The following NSD1 variants were observed in gnomAD, a reference collection of about 807,000 sequenced individuals.
The protein encoded by NSD1 is histone-lysine N-methyltransferase, H3 lysine-36 specific.
Under a neutral mutation model 242.7 loss-of-function variants are expected in NSD1, and 26 were observed. The ratio of observed to expected loss-of-function variants is 0.11; its 90% CI spans 0.08 to 0.15. The LOEUF (loss-of-function observed/expected upper bound fraction) is 0.15. Ranked by LOEUF, NSD1 falls within the 10% of genes least tolerant of loss-of-function variation. The pLI, the probability that NSD1 is intolerant of heterozygous loss-of-function variation, is 1.00. For synonymous variants in NSD1, 1,106 were observed against 1,178.1 expected, an observed-to-expected ratio of 0.94 and a Z score of 1.25; for missense variants, 2,495 against 3,272.8, an observed-to-expected ratio of 0.76 and a Z score of 5.80.
intron 17 of NSD1, among the ~76,000 whole-genome samples, chr5:177,275,401 G>C (rs1047553895): frequency 1.1e-4 from 16 of 142,206 alleles, no homozygotes; most frequent in Admixed American, 1.1e-3. Context: ...GTATTTCATC[G>C]TGCTTATATG....
Position 177,273,525 on chromosome 5 carries a change from G to A in NSD1, c.5510-147G>A, listed in dbSNP as rs59992310. The A allele has an allele frequency of 0.013, 8,457 of 649,936 alleles. 563 individuals carry two copies. The African/African-American group carries it at 0.14, about 11-fold the overall frequency. 40.3% of individuals were successfully genotyped at this position (649,936 alleles called of 1,614,324 possible). ...TTACCTGTTTGAAAATAGCTGTTATGTGTTTTCTTTTTCATATAGCATTGG... is the reference window on the plus strand; with the variant it reads ...TTACCTGTTTGAAAATAGCTGTTATATGTTTTCTTTTTCATATAGCATTGG... On this transcript the variant is annotated intron_variant, in intron 16 of 22. Transcript: ENST00000439151.
At chr5:177,212,335 G>A (rs969760815) in intron 5 of NSD1, 140 bp downstream of exon 5, 10 of 838,160 alleles carry the variant, frequency 1.2e-5, no homozygotes, top group Admixed American at 2.3e-5. Flanking sequence ...TGAAGAAGGA[G>A]TTTTATGTAG....
In NSD1 at chr5:177,297,349, T is replaced by C. The variant is rs1247558319; in HGVS notation, c.*1890T>C. ...AAAACGTAAAGCATCTTATTTTCTT[T>C]TAAAAGAATTTTAAACCATGAAAAA... is the stretch of plus-strand genomic sequence containing the variant. On this transcript the variant is annotated 3_prime_UTR_variant, in exon 23 of 23. Coordinates refer to ENST00000439151, the MANE Select transcript of NSD1 (RefSeq NM_022455.5). 4.3e-6 allele frequency: 1 copy of C among 230,676 alleles called. No individual in the cohort carries two copies. Among genetic ancestry groups the C allele is most frequent in the Non-Finnish European group, 8.6e-6 (1 of 116,536 alleles). 14.3% of individuals were successfully genotyped at this position (230,676 alleles called of 1,614,324 possible). A position where few individuals can be genotyped will look rare whatever the true frequency, so the allele number is the denominator to read the frequency against.
chr5:177,209,570 T>A, intron 4 of NSD1, 66 bp from the exon 5 acceptor site: 1 of 1,192,652 alleles, frequency 8.4e-7, no homozygotes, highest in Non-Finnish European at 1.2e-6. Context: ...GCTTCTGATT[T>A]CATCTCCCTT....
Position 177,210,766 on chromosome 5 carries a change from T to G in NSD1, c.2367T>G (p.Ser789Arg), listed in dbSNP as rs1301166891. Residue 789 changes from serine to arginine, a missense_variant, in exon 5 of 23, where the codon AGT becomes AGG. Coordinates refer to ENST00000439151, the MANE Select transcript of NSD1 (RefSeq NM_022455.5). ...AAAGCAAACAGCCCAAGTTCCGAAG[T>G]ATAAAGTGCAAACACAAAGAAAATC... Reference protein sequence around the residue: ...HSKSKQPKFRSIKCKHKENPV... With the variant: ...HSKSKQPKFRRIKCKHKENPV... 1.9e-6 allele frequency: 3 copies of G among 1,614,186 alleles called. No individual in the cohort carries two copies. Among genetic ancestry groups the G allele is most frequent in the Non-Finnish European group, 2.5e-6 (3 of 1,180,024 alleles).
At chr5:177,291,883 G>A in intron 21 of NSD1, 71 bp from the exon 22 acceptor site, 1 of 1,362,330 alleles carries the variant, frequency 7.3e-7, no homozygotes, top group African/African-American at 1.4e-5. Flanking sequence ...GCTCAGAGAG[G>A]GTAGTTAACC....
chr5:177,292,279 G>A, intron 22 of NSD1, 121 bp downstream of exon 22: 3 of 944,212 alleles, frequency 3.2e-6, no homozygotes, highest in East Asian at 2.6e-5. Flanking sequence ...ATTTTGAGGG[G>A]TATGGTCTAT....
At chr5:177,185,920 TTATA>T (rs370464580) in intron 2 of NSD1, among the ~76,000 whole-genome samples, 1 of 86,746 alleles carries the variant, frequency 1.2e-5, no homozygotes, top group African/African-American at 4.9e-5. Context: ...TTATATATAT[TTATA>T]TATATAAATA....
intron 2 of NSD1, among the ~76,000 whole-genome samples, chr5:177,161,498 T>C (rs1212733036): frequency 1.3e-5 from 2 of 152,030 alleles, no homozygotes; most frequent in African/African-American, 4.8e-5. Context: ...AAAAAATTTT[T>C]TTCTAAATAG....
In NSD1 at chr5:177,260,155, T is replaced by C. The variant is rs772039957; in HGVS notation, c.5133T>C (p.Phe1711=). The part of the protein sequence containing the change: ...NHEHVNVSWC[F]VCSEGGSLLC... ...AGCATGTTAATGTTAGCTGGTGCTTTGTGTGCTCAGAAGGTAAGAAATCAT... is the reference window on the plus strand; with the variant it reads ...AGCATGTTAATGTTAGCTGGTGCTTCGTGTGCTCAGAAGGTAAGAAATCAT... Residue 1711 remains phenylalanine (F), a synonymous_variant, in exon 14 of 23, where the codon TTT becomes TTC. Transcript: ENST00000439151. 1.2e-6 allele frequency: 2 copies of C among 1,614,072 alleles called. No homozygotes were observed. The highest frequency in any genetic ancestry group is 1.7e-6 in the Non-Finnish European group (2 of 1,179,996).
chr5:177,185,893 TTA>T (rs1282302482), intron 2 of NSD1, among the ~76,000 whole-genome samples: 1 of 86,406 alleles, frequency 1.2e-5, no homozygotes, highest in African/African-American at 5.3e-5. Context: ...TATAATATAT[TTA>T]TATATTTTAT....
At chr5:177,209,561 C>G in intron 4 of NSD1, 75 bp from the exon 5 acceptor site, 5 of 983,184 alleles carry the variant, frequency 5.1e-6, no homozygotes, top group African/African-American at 1.7e-5. Context: ...AAAAAAAAAG[C>G]TTCTGATTTC....
chr5:177,175,689 T>TTATA (rs1407872687), intron 2 of NSD1, among the ~76,000 whole-genome samples: 1 of 152,114 alleles, frequency 6.6e-6, no homozygotes, highest in African/African-American at 2.4e-5. Flanking sequence ...GCAAATAATA[T>TTATA]TATAGCCTTG....
intron 17 of NSD1, 71 bp from the exon 18 acceptor site, chr5:177,280,494 T>A: frequency 6.3e-7 from 1 of 1,587,320 alleles, no homozygotes; most frequent in Non-Finnish European, 8.7e-7. Context: ...AAAAAAAGTT[T>A]GCCTTTTTCA....
chr5:177,171,791 C>G (rs1759735860), intron 2 of NSD1, among the ~76,000 whole-genome samples: 1 of 152,188 alleles, frequency 6.6e-6, no homozygotes, highest in Admixed American at 6.5e-5. Context: ...ATCAGGACTT[C>G]TTTTTCATGG....
At chr5:177,227,814 G>A (rs1764746942) in intron 5 of NSD1, among the ~76,000 whole-genome samples, 1 of 151,946 alleles carries the variant, frequency 6.6e-6, no homozygotes, top group African/African-American at 2.4e-5. Context: ...CTAGCACAGT[G>A]GCTCACACCT....
In NSD1 at chr5:177,285,415, T is replaced by C. The variant is rs189548675; in HGVS notation, c.6151+1487T>C. Among the ~76,000 whole-genome samples the C allele has an allele frequency of 5.8e-3, 873 of 151,660 alleles. 7 individuals are homozygous for C. Among genetic ancestry groups the C allele is most frequent in the African/African-American group, 0.02 (836 of 41,330 alleles). ...CATCTCTACTGAAAATACAAAAAAA[T>C]TAGCCGGACGTGGTGGCAGGCGCCT... On this transcript the variant is annotated intron_variant, in intron 20 of 22. Transcript: ENST00000439151.
chr5:177,217,679 T>C (rs948193385), intron 5 of NSD1, among the ~76,000 whole-genome samples: 1 of 150,896 alleles, frequency 6.6e-6, no homozygotes, highest in African/African-American at 2.4e-5. Flanking sequence ...TTTTTTTTTT[T>C]TTTTTGAGAC....
intron 2 of NSD1, among the ~76,000 whole-genome samples, chr5:177,152,516 G>A (rs1581141205): frequency 8.6e-6 from 1 of 115,860 alleles, no homozygotes; most frequent in Admixed American, 1.2e-4. Flanking sequence ...GTCTCCCTCT[G>A]TCGCCAGGTT....
Sources: allele counts gnomAD v4.1 joint callset (sites outside exome capture counted in the v4.1 genomes callset), GRCh38; gene constraint gnomAD v4.1.1; transcripts MANE v1.5; gene names NCBI Gene and HGNC (gene_info 2026-07-23, HGNC 2026-07-21).